Variants in UBALD2 observed in about 807,000 individuals in gnomAD.
The protein encoded by UBALD2 is UBA like domain containing 2.
In UBALD2, 8 loss-of-function variants were observed where a neutral mutation model predicts 15.9. The ratio of observed to expected loss-of-function variants is 0.50; its 90% CI spans 0.29 to 0.91. The LOEUF (loss-of-function observed/expected upper bound fraction) is 0.91. Among genes scored for constraint, UBALD2 ranks in the 40% least tolerant of loss-of-function variants. The pLI is 0.07. For synonymous variants in UBALD2, 113 were observed against 97.7 expected, an observed-to-expected ratio of 1.16 and a Z score of -0.93; for missense variants, 178 against 234.8, an observed-to-expected ratio of 0.76 and a Z score of 1.58.
At chr17:76,266,115 G>T in intron 2 of UBALD2, 146 bp downstream of exon 2, 1 of 1,091,204 alleles carries the variant, frequency 9.2e-7, no homozygotes, top group Non-Finnish European at 1.3e-6. Flanking sequence ...CGGCGCTGGC[G>T]CCTCCAACTT....
chr17:76,265,408 G>A lies in UBALD2; in HGVS notation c.-98G>A, dbSNP rs1171794732. The A allele has an allele frequency of 7.2e-6, 7 of 975,432 alleles. No individual in the cohort carries two copies. The South Asian group carries it at 3.2e-4, about 44-fold the overall frequency. The allele number at this position is 975,432 out of a possible 1,614,324, so 60.4% of individuals were successfully genotyped here. Reference sequence around the variant, plus strand: ...GGCGGAGCGGCGGCAGCAGCGGTGAGCGCGAGCCCCGGAGCCCCGGGCGGC... The same window carrying A: ...GGCGGAGCGGCGGCAGCAGCGGTGAACGCGAGCCCCGGAGCCCCGGGCGGC... On this transcript the variant is annotated 5_prime_UTR_variant, in exon 1 of 3. Transcript: ENST00000327490.
chr17:76,268,738 T>G (rs1050037912), intron 2 of UBALD2, among the ~76,000 whole-genome samples: 12 of 149,682 alleles, frequency 8.0e-5, no homozygotes, highest in Admixed American at 4.0e-4. Flanking sequence ...TCTGTTTTTT[T>G]TTTTTTTTTT....
At chr17:76,267,486 G>GTTTTTT (rs144184996) in intron 2 of UBALD2, among the ~76,000 whole-genome samples, 1 of 121,552 alleles carries the variant, frequency 8.2e-6, no homozygotes, top group African/African-American at 4.0e-5. Context: ...AAAGTTCATG[G>GTTTTTT]TTTCTTTTTT....
Position 76,270,239 on chromosome 17 carries a change from G to A in UBALD2, c.229G>A (p.Asp77Asn), listed in dbSNP as rs2070575809. Residue 77 changes from aspartate (D) to asparagine (N), a missense_variant, in exon 3 of 3, where the codon GAT becomes AAT. Coordinates refer to ENST00000327490, the MANE Select transcript of UBALD2 (RefSeq NM_182565.4). Reference sequence around the variant, plus strand: ...CCCTGCCACGCCGCCCAACTTCCCCGATGCGCTGGCCATGTTCTCCAAGCT... The same window carrying A: ...CCCTGCCACGCCGCCCAACTTCCCCAATGCGCTGGCCATGTTCTCCAAGCT... Reference protein sequence around the residue: ...NTPATPPNFPDALAMFSKLRA... With the variant: ...NTPATPPNFPNALAMFSKLRA... The A allele has an allele frequency of 6.2e-7, 1 of 1,612,706 alleles. No individual in the cohort carries two copies. Among genetic ancestry groups the A allele is most frequent in the Non-Finnish European group, 8.5e-7 (1 of 1,179,926 alleles).
intron 1 of UBALD2, 40 bp from the exon 2 acceptor site, chr17:76,265,867 T>A: frequency 6.3e-7 from 1 of 1,580,388 alleles, no homozygotes. Flanking sequence ...GTTTCCTGAC[T>A]CCGCCTGGCC....
chr17:76,265,788 C>A, intron 1 of UBALD2, 119 bp from the exon 2 acceptor site: 6 of 1,423,490 alleles, frequency 4.2e-6, no homozygotes, highest in Non-Finnish European at 5.6e-6. Flanking sequence ...GCACGTGGGG[C>A]AGCCGAGGGT....
chr17:76,265,649 C>T (rs577330168), intron 1 of UBALD2, 24 bp downstream of exon 1: 3 of 1,146,826 alleles, frequency 2.6e-6, no homozygotes, highest in Admixed American at 9.8e-5. Flanking sequence ...CGCCGCGGGG[C>T]CGGGCCGCGG....
At chr17:76,268,767 T>G (rs2070564262) in intron 2 of UBALD2, among the ~76,000 whole-genome samples, 1 of 141,518 alleles carries the variant, frequency 7.1e-6, no homozygotes, top group African/African-American at 2.8e-5. Flanking sequence ...GGAGTTTTGC[T>G]CTGCCACCTA....
In UBALD2 at chr17:76,270,158, G is replaced by A. The variant is rs199957451; in HGVS notation, c.184-36G>A. On this transcript the variant is annotated intron_variant, in intron 2 of 2. Coordinates refer to ENST00000327490, the MANE Select transcript of UBALD2 (RefSeq NM_182565.4). ...CCCATCCAGTGGCTCGGGGACCCCCGAGGCAGCCTCCCCACACCCGTGTTC... is the reference window on the plus strand; with the variant it reads ...CCCATCCAGTGGCTCGGGGACCCCCAAGGCAGCCTCCCCACACCCGTGTTC... 841 of 1,587,324 alleles carry A rather than the reference G, an allele frequency of 5.3e-4. 2 individuals carry two copies. The African/African-American group carries it at 8.3e-3, about 16-fold the overall frequency.
At chr17:76,268,726 CCT>C (rs1379823343) in intron 2 of UBALD2, among the ~76,000 whole-genome samples, 3 of 149,768 alleles carry the variant, frequency 2.0e-5, no homozygotes, top group East Asian at 1.9e-4. Flanking sequence ...GTGAAAGCTC[CCT>C]CTGTTTTTTT....
Position 76,266,217 on chromosome 17 carries a change from G to C in UBALD2, c.183+248G>C, listed in dbSNP as rs370219721. Among the ~76,000 whole-genome samples the C allele has an allele frequency of 1.6e-4, 24 of 152,250 alleles. No individual in the cohort carries two copies. The East Asian group carries it at 1.9e-3, about 12-fold the overall frequency. On this transcript the variant is annotated intron_variant, in intron 2 of 2. Transcript: ENST00000327490. ...GGAAGCGGCGCCAAAGTTGGGGGGA[G>C]GGGGAGAGGGCCGGGGGCCTGGCGA...
rs1032438957 is a variant in UBALD2, at chr17:76,269,706, G to A, written c.184-488G>A. ...TGGTGGCTGTCACCCTTAGTGTGGTGTGAACCCATCCACCAAGGTGGCTTA... is the reference window on the plus strand; with the variant it reads ...TGGTGGCTGTCACCCTTAGTGTGGTATGAACCCATCCACCAAGGTGGCTTA... On this transcript the variant is annotated intron_variant, in intron 2 of 2. Transcript: ENST00000327490. The surrounding 1 kb of genome is among the most constrained non-coding windows in gnomAD (Gnocchi z 4.6). Among the ~76,000 whole-genome samples, 2 of 152,236 alleles carry A rather than the reference G, an allele frequency of 1.3e-5. No individual in the cohort carries two copies. Among genetic ancestry groups the A allele is most frequent in the Admixed American group, 6.5e-5 (1 of 15,286 alleles).
rs2070540705 is a variant in UBALD2, at chr17:76,265,818, G to A, written c.121-89G>A. On this transcript the variant is annotated intron_variant, in intron 1 of 2. Transcript: ENST00000327490. ...GAGGGTCGGGGGCCGCGGGCCGGGC[G>A]CGGAGGCGGGGAGAGCCGGTGGGGG... 1.4e-5 allele frequency: 21 copies of A among 1,479,106 alleles called. 1 individual carries two copies. The South Asian group carries it at 2.6e-4, about 18-fold the overall frequency. 91.6% of individuals were successfully genotyped at this position (1,479,106 alleles called of 1,614,324 possible).
chr17:76,266,176 G>T (rs2070544126), intron 2 of UBALD2, among the ~76,000 whole-genome samples: 1 of 152,072 alleles, frequency 6.6e-6, no homozygotes, highest in Non-Finnish European at 1.5e-5. Context: ...CTGGTGCCCG[G>T]CACTGGTCCC....
rs2070536342 is a variant in UBALD2, at chr17:76,265,423, C to A, written c.-83C>A. 2.0e-6 allele frequency: 2 copies of A among 980,798 alleles called. No homozygotes were observed. Among genetic ancestry groups the A allele is most frequent in the Admixed American group, 6.3e-5 (1 of 15,836 alleles). The allele number at this position is 980,798 out of a possible 1,614,324, so 60.8% of individuals were successfully genotyped here. ...GCAGCGGTGAGCGCGAGCCCCGGAG[C>A]CCCGGGCGGCCGGCCTCCCGCGCCC... On this transcript the variant is annotated 5_prime_UTR_variant, in exon 1 of 3. Transcript: ENST00000327490.
chr17:76,265,678 G>A (rs1568095559), intron 1 of UBALD2, 53 bp downstream of exon 1: 1 of 1,160,640 alleles, frequency 8.6e-7, no homozygotes, highest in African/African-American at 1.6e-5. Flanking sequence ...GACGCCGGGC[G>A]GCGGCGGGGG....
At chr17:76,267,490 CTT>C (rs55819046) in intron 2 of UBALD2, among the ~76,000 whole-genome samples, 24,217 of 114,898 alleles carry the variant, frequency 0.21, 1,703 homozygotes, top group East Asian at 0.35. Flanking sequence ...TTCATGGTTT[CTT>C]TTTTTTTTTT....
At position 76,269,936 on chromosome 17, in the gene UBALD2, T is replaced by A. The variant is rs1290697986; in HGVS notation, c.184-258T>A. The stretch of plus-strand genomic sequence containing the variant: ...TTAGCTCCTGGGTGCAATTAACCAT[T>A]TACTTTGAATGCTCCTCGGGGTGTC... On this transcript the variant is annotated intron_variant, in intron 2 of 2. Transcript: ENST00000327490. The surrounding 1 kb of genome is among the most constrained non-coding windows in gnomAD (Gnocchi z 4.6). Among the ~76,000 whole-genome samples, 1 of 152,128 alleles carries A rather than the reference T, an allele frequency of 6.6e-6. No individual in the cohort carries two copies. The highest frequency in any genetic ancestry group is 2.4e-5 in the African/African-American group (1 of 41,426).
At chr17:76,267,775 C>T (rs982669280) in intron 2 of UBALD2, among the ~76,000 whole-genome samples, 1 of 151,890 alleles carries the variant, frequency 6.6e-6, no homozygotes, top group Non-Finnish European at 1.5e-5. Context: ...AACGATTCTC[C>T]TGCCTCATGG....
Sources: allele counts gnomAD v4.1 joint callset (sites outside exome capture counted in the v4.1 genomes callset), GRCh38; gene constraint gnomAD v4.1.1; non-coding constraint Gnocchi (gnomAD v3.1); transcripts MANE v1.5; gene names NCBI Gene and HGNC (gene_info 2026-07-23, HGNC 2026-07-21).